FOXN3: variants seen among roughly 807,000 people sequenced by gnomAD.
The protein encoded by FOXN3 is forkhead box N3, also known as forkhead box protein N3.
Under a neutral mutation model 38.4 loss-of-function variants are expected in FOXN3, and 7 were observed. The observed-to-expected ratio is 0.18, with a 90% CI of 0.10 to 0.34. The LOEUF is 0.34. Ranked by LOEUF, FOXN3 falls within the 10% of genes least tolerant of loss-of-function variation. FOXN3 has a pLI of 1.00. For synonymous variants in FOXN3, 230 were observed against 242.2 expected (o/e 0.95, Z 0.47); for missense variants, 456 against 613.4 (o/e 0.74, Z 2.71).
chr14:89,248,253 C>T (rs1238088567), intron 4 of FOXN3, among the ~76,000 whole-genome samples: 1 of 152,210 alleles, frequency 6.6e-6, no homozygotes, highest in African/African-American at 2.4e-5. Context: ...TCTCTAGGGG[C>T]CTAATCCAGC....
intron 4 of FOXN3, among the ~76,000 whole-genome samples, chr14:89,201,924 C>T (rs73321258): frequency 6.0e-4 from 92 of 152,370 alleles, no homozygotes; most frequent in African/African-American, 2.1e-3. Flanking sequence ...CATGGCAGTG[C>T]TTGTCAGTGC....
intron 5 of FOXN3, among the ~76,000 whole-genome samples, chr14:89,167,629 C>T (rs1257246050): frequency 5.3e-5 from 8 of 152,136 alleles, no homozygotes; most frequent in African/African-American, 1.9e-4. Flanking sequence ...GGTAGAAAGA[C>T]ATTTGGAAGG....
chr14:89,329,170 G>A (rs1451695851), intron 3 of FOXN3, among the ~76,000 whole-genome samples: 1 of 152,164 alleles, frequency 6.6e-6, no homozygotes, highest in Non-Finnish European at 1.5e-5. Flanking sequence ...ACCCCTCACG[G>A]AACCAAGCCT....
chr14:89,422,055 A>C (rs961895206), upstream of FOXN3, among the ~76,000 whole-genome samples: 1 of 152,006 alleles, frequency 6.6e-6, no homozygotes, highest in Non-Finnish European at 1.5e-5. Flanking sequence ...ATTTTTCTGT[A>C]GAGATGGGGT....
At chr14:89,283,493 C>T (rs1000556236) in intron 3 of FOXN3, among the ~76,000 whole-genome samples, 1 of 152,156 alleles carries the variant, frequency 6.6e-6, no homozygotes, top group African/African-American at 2.4e-5. Context: ...TAAAACCACA[C>T]ATAGTACATG....
At chr14:89,513,150 GAAAAAAA>G (rs36003791) in intron 1 of FOXN3, among the ~76,000 whole-genome samples, 72 of 102,082 alleles carry the variant, frequency 7.1e-4, no homozygotes, top group African/African-American at 2.4e-3. Flanking sequence ...TCCATCTCAG[GAAAAAAA>G]AAAAAAAAAA....
chr14:89,559,071 G>A (rs1402228205), intron 1 of FOXN3, among the ~76,000 whole-genome samples: 3 of 151,962 alleles, frequency 2.0e-5, no homozygotes, highest in African/African-American at 7.3e-5. Flanking sequence ...CAGAACTTAT[G>A]CGAACAGGAC....
At chr14:89,375,790 AC>A (rs373645306) in intron 2 of FOXN3, among the ~76,000 whole-genome samples, 106 of 152,180 alleles carry the variant, frequency 7.0e-4, no homozygotes, top group African/African-American at 2.5e-3. Flanking sequence ...TTTTTTTGAG[AC>A]AGAGTTTTGC....
chr14:89,454,124 C>T (rs780213700), intron 1 of FOXN3, among the ~76,000 whole-genome samples: 7 of 152,078 alleles, frequency 4.6e-5, no homozygotes, highest in African/African-American at 7.2e-5. Context: ...GCCAACATGG[C>T]GAAACCCTGT....
chr14:89,188,846 A>T (rs769054966), intron 4 of FOXN3, among the ~76,000 whole-genome samples: 9 of 138,844 alleles, frequency 6.5e-5, no homozygotes, highest in South Asian at 2.3e-4. Context: ...AAGTTTATTT[A>T]AAAAAAAAAA....
chr14:89,527,744 C>T (rs1894461505), intron 1 of FOXN3, among the ~76,000 whole-genome samples: 1 of 149,850 alleles, frequency 6.7e-6, no homozygotes, highest in Non-Finnish European at 1.5e-5. Flanking sequence ...CTCTGTCGCT[C>T]GGGCTGGAGT....
At chr14:89,268,304 C>T (rs925491291) in intron 4 of FOXN3, among the ~76,000 whole-genome samples, 2 of 152,184 alleles carry the variant, frequency 1.3e-5, no homozygotes, top group African/African-American at 4.8e-5. Context: ...AATCAAGTCA[C>T]TGTCTCTGAA....
At chr14:89,195,061 C>T (rs1356347077) in intron 4 of FOXN3, among the ~76,000 whole-genome samples, 1 of 152,212 alleles carries the variant, frequency 6.6e-6, no homozygotes, top group South Asian at 2.1e-4. Context: ...TTTGTACAGG[C>T]ATTGCCTTTT....
rs1414294712 is a variant in FOXN3 at position 89,324,437 on chromosome 14, TGTGTGC to T, written c.680+26229_680+26234del. ...ACTGATTTGGTTTGAAACAGCTAAG[TGTGTGC>T]GTGTGTGTGTGTGTGTGTGTGTGTG... On this transcript the variant is annotated intron_variant, in intron 3 of 5. Transcript: ENST00000557258. Among the ~76,000 whole-genome samples the T allele has an allele frequency of 2.3e-4, 24 of 105,084 alleles. 1 individual carries two copies. Among genetic ancestry groups the T allele is most frequent in the African/African-American group, 8.5e-4 (19 of 22,364 alleles). The allele number at this position is 105,084 out of a possible 152,430, so 68.9% of individuals were successfully genotyped here. A position where few individuals can be genotyped will look rare whatever the true frequency, so the allele number is the denominator to read the frequency against.
intron 2 of FOXN3, among the ~76,000 whole-genome samples, chr14:89,411,646 C>A (rs573739786): frequency 6.6e-6 from 1 of 152,334 alleles, no homozygotes; most frequent in East Asian, 1.9e-4. Context: ...CCCATCCACA[C>A]TGAGGGATGT....
intron 1 of FOXN3, among the ~76,000 whole-genome samples, chr14:89,523,967 TG>T (rs1219575360): frequency 1.3e-5 from 2 of 151,626 alleles, no homozygotes; most frequent in Non-Finnish European, 2.9e-5. Flanking sequence ...TTCACCATGT[TG>T]GTGAGGCTGG....
chr14:89,253,832 G>A (rs1885536358), intron 4 of FOXN3, among the ~76,000 whole-genome samples: 1 of 152,136 alleles, frequency 6.6e-6, no homozygotes, highest in South Asian at 2.1e-4. Context: ...CTGCCCTGAT[G>A]GATTCCGGAC....
chr14:89,483,453 G>C (rs1451740429), intron 1 of FOXN3, among the ~76,000 whole-genome samples: 1 of 152,194 alleles, frequency 6.6e-6, no homozygotes. Flanking sequence ...CTGTCACCCA[G>C]GTTGGAATGC....
At chr14:89,336,269 C>T (rs1302448642) in intron 3 of FOXN3, among the ~76,000 whole-genome samples, 3 of 62,442 alleles carry the variant, frequency 4.8e-5, no homozygotes, top group African/African-American at 1.4e-4. Flanking sequence ...CACACAGAAT[C>T]CTCTCTGCTT....
Sources: gnomAD v4.1 joint callset for allele counts (sites outside exome capture counted in the v4.1 genomes callset) on GRCh38, gnomAD v4.1.1 for gene constraint, MANE v1.5 for transcripts, NCBI Gene and HGNC (gene_info 2026-07-23, HGNC 2026-07-21) for gene names.